The following RAPGEF5 variants were observed in gnomAD, a reference collection of about 807,000 sequenced individuals.
The protein encoded by RAPGEF5 is Rap guanine nucleotide exchange factor 5.
In RAPGEF5, 65 loss-of-function variants were observed where a neutral mutation model predicts 125.2. The ratio of observed to expected loss-of-function variants is 0.52; its 90% CI spans 0.43 to 0.64. The LOEUF (loss-of-function observed/expected upper bound fraction) is 0.64. Ranked by LOEUF, RAPGEF5 falls within the 30% of genes least tolerant of loss-of-function variation. The pLI is 0.00. For synonymous variants in RAPGEF5, 391 were observed against 385.9 expected, an observed-to-expected ratio of 1.01 and a Z score of -0.16; for missense variants, 958 against 1,048.1, an observed-to-expected ratio of 0.91 and a Z score of 1.19.
intron 24 of RAPGEF5, 31 bp downstream of exon 24, chr7:22,131,005 TA>T (rs1488344090): frequency 3.9e-6 from 6 of 1,537,524 alleles, no homozygotes; most frequent in Admixed American, 4.1e-5. Context: ...TCTGTTACTG[TA>T]AAAAAGGGAG....
At chr7:22,285,540 C>T (rs1782777482) in intron 6 of RAPGEF5, among the ~76,000 whole-genome samples, 2 of 152,058 alleles carry the variant, frequency 1.3e-5, no homozygotes, top group African/African-American at 2.4e-5. Context: ...AATTCCTGTC[C>T]AAAATAACAA....
chr7:22,229,827 C>G (rs1786015736), intron 8 of RAPGEF5, among the ~76,000 whole-genome samples: 1 of 152,178 alleles, frequency 6.6e-6, no homozygotes, highest in African/African-American at 2.4e-5. Context: ...GCCATGCTGC[C>G]CAGTGAACTT....
intron 9 of RAPGEF5, among the ~76,000 whole-genome samples, chr7:22,197,003 G>A (rs977053685): frequency 1.3e-5 from 2 of 152,178 alleles, no homozygotes; most frequent in South Asian, 2.1e-4. Context: ...TAAAGTGGGA[G>A]AATATTCGAG....
At position 22,357,104 on chromosome 7, in the gene RAPGEF5, T is replaced by G; in HGVS notation, c.-44A>C. ...CGCCGGGGGCTCCTCTCCACCGCGCTCGCCTCCGCGCGCCGTCCGCGCCTT... is the reference window on the plus strand; with the variant it reads ...CGCCGGGGGCTCCTCTCCACCGCGCGCGCCTCCGCGCGCCGTCCGCGCCTT... On this transcript the variant is annotated 5_prime_UTR_variant, in exon 1 of 26. Transcript: ENST00000665637. 8 of 956,252 alleles carry G rather than the reference T, an allele frequency of 8.4e-6. No individual in the cohort carries two copies. Among genetic ancestry groups the G allele is most frequent in the East Asian group, 9.6e-5 (1 of 10,428 alleles). 59.2% of individuals were successfully genotyped at this position (956,252 alleles called of 1,614,324 possible).
intron 1 of RAPGEF5, among the ~76,000 whole-genome samples, chr7:22,344,872 T>C (rs1334545313): frequency 2.0e-5 from 3 of 152,240 alleles, no homozygotes; most frequent in Non-Finnish European, 2.9e-5. Flanking sequence ...GGTCTGGCCT[T>C]CATCACGGAG....
At chr7:22,252,126 T>TG (rs1457823696) in intron 7 of RAPGEF5, among the ~76,000 whole-genome samples, 3 of 152,200 alleles carry the variant, frequency 2.0e-5, no homozygotes, top group Admixed American at 6.5e-5. Context: ...CCCACCTCTC[T>TG]GCTCAATGTC....
intron 6 of RAPGEF5, among the ~76,000 whole-genome samples, chr7:22,281,026 G>A (rs564492638): frequency 1.3e-5 from 2 of 152,176 alleles, no homozygotes; most frequent in African/African-American, 4.8e-5. Flanking sequence ...CTTTGGCTTA[G>A]GATTGGGAGA....
In RAPGEF5 at chr7:22,131,035, A is replaced by G; in HGVS notation, c.2481+2T>C. On this transcript the variant is annotated splice_donor_variant, in intron 24 of 25. Coordinates refer to ENST00000665637, the MANE Select transcript of RAPGEF5 (RefSeq NM_012294.5). LOFTEE classifies it high-confidence loss of function. ...AAGGGAGAAGTAATGAAATTTACGT[A>G]CCAGCTTTTCAAAATTGACAAGATT... 1 of 1,542,040 alleles carries G rather than the reference A, an allele frequency of 6.5e-7. No homozygotes were observed. The highest frequency in any genetic ancestry group is 8.8e-7 in the Non-Finnish European group (1 of 1,142,410).
chr7:22,231,245 C>T (rs542396680), intron 7 of RAPGEF5, among the ~76,000 whole-genome samples: 1 of 152,086 alleles, frequency 6.6e-6, no homozygotes, highest in Non-Finnish European at 1.5e-5. Flanking sequence ...GACTTTTATT[C>T]ATTTCATATA....
At position 22,230,920 on chromosome 7, in the gene RAPGEF5, C is replaced by T; in HGVS notation, c.797-1G>A. The stretch of plus-strand genomic sequence containing the variant: ...TTGTTTTCTTCATCTTGTTCAATTG[C>T]TTAAAAAAAAGAACACCATTAAACA... On this transcript the variant is annotated splice_acceptor_variant, in intron 7 of 25. Transcript: ENST00000665637. LOFTEE classifies it high-confidence loss of function. 1 of 1,555,746 alleles carries T rather than the reference C, an allele frequency of 6.4e-7. No individual in the cohort carries two copies. Among genetic ancestry groups the T allele is most frequent in the South Asian group, 1.2e-5 (1 of 84,354 alleles).
intron 21 of RAPGEF5, among the ~76,000 whole-genome samples, chr7:22,139,280 C>T (rs1379497736): frequency 6.6e-6 from 1 of 152,010 alleles, no homozygotes. Flanking sequence ...AGGCATGATG[C>T]TTAAAGAGCA....
Position 22,266,863 on chromosome 7 carries a change from C to T in RAPGEF5, c.796+101G>A, listed in dbSNP as rs1782294391. The stretch of plus-strand genomic sequence containing the variant: ...TGGTATAATTCTTTGCATTCTACAC[C>T]ATAACTTCCTGAGATACACTCAACT... On this transcript the variant is annotated intron_variant, in intron 7 of 25. Coordinates refer to ENST00000665637, the MANE Select transcript of RAPGEF5 (RefSeq NM_012294.5). 6 of 1,208,986 alleles carry T rather than the reference C, an allele frequency of 5.0e-6. No individual in the cohort carries two copies. In the East Asian group the frequency reaches 1.4e-4, roughly 29 times the overall value. 74.9% of individuals were successfully genotyped at this position (1,208,986 alleles called of 1,614,324 possible). A position where few individuals can be genotyped will look rare whatever the true frequency, so the allele number is the denominator to read the frequency against.
rs1029346187 is a variant in RAPGEF5 at position 22,118,321 on chromosome 7, C to T, written c.*4085G>A. 4.0e-5 allele frequency: 6 copies of T among 148,462 alleles called. No homozygotes were observed. The highest frequency in any genetic ancestry group is 2.2e-4 in the South Asian group (1 of 4,604). 9.2% of individuals were successfully genotyped at this position (148,462 alleles called of 1,614,324 possible). On this transcript the variant is annotated 3_prime_UTR_variant, in exon 26 of 26. Coordinates refer to ENST00000665637, the MANE Select transcript of RAPGEF5 (RefSeq NM_012294.5). ...GCATGAATAGTGTCTTTAACATAGT[C>T]TCATATTTGGAAAAGCAGTTTTAAA...
At chr7:22,200,109 A>T (rs886153463) in intron 9 of RAPGEF5, among the ~76,000 whole-genome samples, 4 of 152,198 alleles carry the variant, frequency 2.6e-5, no homozygotes, top group South Asian at 2.1e-4. Context: ...TGTACTATGG[A>T]AATTCACATA....
intron 7 of RAPGEF5, among the ~76,000 whole-genome samples, 186 bp from the exon 8 acceptor site, chr7:22,231,105 T>C (rs1583500732): frequency 6.6e-6 from 1 of 152,228 alleles, no homozygotes; most frequent in East Asian, 1.9e-4. Flanking sequence ...CTCCTGCATA[T>C]TATCTCATGT....
rs1562693668 is a variant in RAPGEF5 at position 22,118,819 on chromosome 7, A to G, written c.*3587T>C. ...CAAATAAATATTACTCTGCTAAAAA[A>G]TGTTTAGTATATACAGCTTTGCTTT... On this transcript the variant is annotated 3_prime_UTR_variant, in exon 26 of 26. Coordinates refer to ENST00000665637, the MANE Select transcript of RAPGEF5 (RefSeq NM_012294.5). The G allele has an allele frequency of 6.6e-6, 1 of 152,624 alleles. No individual in the cohort carries two copies. The highest frequency in any genetic ancestry group is 1.5e-5 in the Non-Finnish European group (1 of 68,038). 9.5% of individuals were successfully genotyped at this position (152,624 alleles called of 1,614,324 possible). A position where few individuals can be genotyped will look rare whatever the true frequency, so the allele number is the denominator to read the frequency against.
intron 20 of RAPGEF5, among the ~76,000 whole-genome samples, chr7:22,142,452 T>C (rs1045979083): frequency 6.6e-6 from 1 of 152,208 alleles, no homozygotes; most frequent in African/African-American, 2.4e-5. Context: ...TCTTTTTATC[T>C]TTTAGCTCCT....
chr7:22,197,302 C>G (rs1785169376), intron 9 of RAPGEF5, among the ~76,000 whole-genome samples: 1 of 152,172 alleles, frequency 6.6e-6, no homozygotes, highest in Non-Finnish European at 1.5e-5. Context: ...CCTCCCAAAT[C>G]AAACCTGTCT....
intron 1 of RAPGEF5, among the ~76,000 whole-genome samples, chr7:22,321,748 A>C (rs574466485): frequency 1.4e-3 from 206 of 152,366 alleles, no homozygotes; most frequent in Non-Finnish European, 2.7e-3. Flanking sequence ...CAATGGAATA[A>C]ATACACTTGA....
Sources: allele counts gnomAD v4.1 joint callset (sites outside exome capture counted in the v4.1 genomes callset), GRCh38; gene constraint gnomAD v4.1.1; transcripts MANE v1.5; gene names NCBI Gene and HGNC (gene_info 2026-07-23, HGNC 2026-07-21).